Variants in KCND2 observed in about 807,000 individuals in gnomAD.
KCND2 encodes the protein potassium voltage-gated channel subfamily D member 2.
In KCND2, 16 loss-of-function variants were observed where a neutral mutation model predicts 54.4. That is an observed-to-expected ratio of 0.29 (90% CI 0.20 to 0.45). KCND2 has a LOEUF of 0.45. KCND2 is among the 20% of genes least tolerant of loss of function. The pLI is 1.00. For missense variants in KCND2, 486 were observed against 824.2 expected (o/e 0.59, Z 5.02); for synonymous variants, 317 against 310.7 (o/e 1.02, Z -0.21).
chr7:120,728,718 GT>G (rs1427215745), intron 1 of KCND2, among the ~76,000 whole-genome samples: 2 of 152,008 alleles, frequency 1.3e-5, no homozygotes, highest in African/African-American at 2.4e-5. Context: ...ATTATGTCAT[GT>G]TTTGGTGTAA....
chr7:120,421,309 A>C (rs1214205582), intron 1 of KCND2, among the ~76,000 whole-genome samples: 9 of 152,166 alleles, frequency 5.9e-5, no homozygotes, highest in Non-Finnish European at 1.3e-4. Context: ...TTCTCTAGAG[A>C]TGATGAAACT....
chr7:120,303,709 C>T (rs1799615017), intron 1 of KCND2, among the ~76,000 whole-genome samples: 1 of 152,088 alleles, frequency 6.6e-6, no homozygotes, highest in South Asian at 2.1e-4. Context: ...TCCTAATCAT[C>T]CTTATGTGGG....
intron 1 of KCND2, among the ~76,000 whole-genome samples, chr7:120,496,494 G>A (rs532284580): frequency 2.1e-3 from 324 of 151,734 alleles, no homozygotes; most frequent in South Asian, 9.8e-3. Context: ...GTGCCATCTC[G>A]GCTCACTGTA....
At chr7:120,511,679 A>G (rs1422334648) in intron 1 of KCND2, among the ~76,000 whole-genome samples, 2 of 152,154 alleles carry the variant, frequency 1.3e-5, no homozygotes, top group Non-Finnish European at 2.9e-5. Context: ...TCAGTGGGAC[A>G]ATACTTACCT....
At chr7:120,385,288 C>T (rs1452003045) in intron 1 of KCND2, among the ~76,000 whole-genome samples, 3 of 151,884 alleles carry the variant, frequency 2.0e-5, no homozygotes, top group South Asian at 2.1e-4. Flanking sequence ...CCACCATGCC[C>T]GGCCCATTTG....
At chr7:120,334,231 A>C (rs548278729) in intron 1 of KCND2, among the ~76,000 whole-genome samples, 1 of 152,200 alleles carries the variant, frequency 6.6e-6, no homozygotes, top group South Asian at 2.1e-4. Context: ...AGAATATTCA[A>C]CTATCAAATA....
chr7:120,635,329 C>T (rs1236899759), intron 1 of KCND2, among the ~76,000 whole-genome samples: 1 of 152,188 alleles, frequency 6.6e-6, no homozygotes, highest in East Asian at 1.9e-4. Context: ...TATATTTCAT[C>T]TTGGGAACTA....
At chr7:120,694,481 G>A (rs936873922) in intron 1 of KCND2, among the ~76,000 whole-genome samples, 4 of 151,992 alleles carry the variant, frequency 2.6e-5, no homozygotes, top group South Asian at 4.2e-4. Context: ...TTGGAGGACC[G>A]GCATCTCTTC....
At chr7:120,321,779 G>A (rs1011099546) in intron 1 of KCND2, among the ~76,000 whole-genome samples, 3 of 151,994 alleles carry the variant, frequency 2.0e-5, no homozygotes, top group Non-Finnish European at 4.4e-5. Flanking sequence ...CATATTTCAT[G>A]ATTAAGTCTT....
chr7:120,344,554 G>A (rs577210509), intron 1 of KCND2, among the ~76,000 whole-genome samples: 97 of 152,144 alleles, frequency 6.4e-4, no homozygotes, highest in Non-Finnish European at 1.0e-3. Context: ...GGATAAGATA[G>A]GATGGGGTAA....
intron 1 of KCND2, among the ~76,000 whole-genome samples, chr7:120,641,527 T>G (rs2116530911): frequency 6.6e-6 from 1 of 152,272 alleles, no homozygotes; most frequent in Non-Finnish European, 1.5e-5. Flanking sequence ...CCACTGACTT[T>G]AATTGGACTT....
At chr7:120,502,897 A>G (rs1802956873) in intron 1 of KCND2, among the ~76,000 whole-genome samples, 1 of 152,100 alleles carries the variant, frequency 6.6e-6, no homozygotes. Flanking sequence ...TTAGACTCAC[A>G]GCACAATTCT....
chr7:120,726,156 A>G (rs1792731536), intron 1 of KCND2, among the ~76,000 whole-genome samples: 3 of 152,208 alleles, frequency 2.0e-5, no homozygotes, highest in African/African-American at 4.8e-5. Context: ...TTGGGCTTTG[A>G]TCGTATAGTA....
intron 1 of KCND2, among the ~76,000 whole-genome samples, chr7:120,446,539 A>G (rs959716571): frequency 4.3e-5 from 6 of 140,270 alleles, no homozygotes; most frequent in Admixed American, 3.6e-4. Flanking sequence ...ATTATACCAT[A>G]TTATAAACAC....
chr7:120,503,204 G>T (rs1186137983), intron 1 of KCND2, among the ~76,000 whole-genome samples: 1 of 151,968 alleles, frequency 6.6e-6, no homozygotes, highest in African/African-American at 2.4e-5. Flanking sequence ...GGAAGAGGAA[G>T]TTCATATGTT....
At chr7:120,634,620 A>G (rs975110130) in intron 1 of KCND2, among the ~76,000 whole-genome samples, 2 of 152,068 alleles carry the variant, frequency 1.3e-5, no homozygotes, top group African/African-American at 4.8e-5. Context: ...TTTCTCACCC[A>G]ATGCTTGTAA....
intron 1 of KCND2, among the ~76,000 whole-genome samples, chr7:120,319,908 G>T (rs914152727): frequency 3.3e-5 from 5 of 151,272 alleles, no homozygotes; most frequent in South Asian, 2.1e-4. Flanking sequence ...TTTGTTTTTT[G>T]TTCTTCTTTA....
In KCND2 at chr7:120,715,883, T is replaced by G. The variant is rs115590742; in HGVS notation, c.1116-17020T>G. Among the ~76,000 whole-genome samples the G allele has an allele frequency of 4.1e-3, 623 of 152,268 alleles. 6 individuals are homozygous for G. Among genetic ancestry groups the G allele is most frequent in the African/African-American group, 0.014 (564 of 41,576 alleles). ...AAAACCAGCTGTAGACTTGTTTGAC[T>G]TGTTTCATTAATTACAAATGAGGGA... On this transcript the variant is annotated intron_variant, in intron 1 of 5. Coordinates refer to ENST00000331113, the MANE Select transcript of KCND2 (RefSeq NM_012281.3).
At chr7:120,399,864 T>C (rs769435946) in intron 1 of KCND2, among the ~76,000 whole-genome samples, 1 of 151,932 alleles carries the variant, frequency 6.6e-6, no homozygotes, top group Non-Finnish European at 1.5e-5. Flanking sequence ...TAGCTGGAAG[T>C]ACAGGTGCCT....
Sources: gnomAD v4.1 joint callset for allele counts (sites outside exome capture counted in the v4.1 genomes callset) on GRCh38, gnomAD v4.1.1 for gene constraint, MANE v1.5 for transcripts, NCBI Gene and HGNC (gene_info 2026-07-23, HGNC 2026-07-21) for gene names.